C1orf21: variants seen among roughly 807,000 people sequenced by gnomAD.
C1orf21 encodes uncharacterized protein C1orf21.
In C1orf21, 3 loss-of-function variants were observed where a neutral mutation model predicts 18.7. The ratio of observed to expected loss-of-function variants is 0.16; its 90% CI spans 0.07 to 0.42. C1orf21 has a LOEUF of 0.42. Ranked by LOEUF, C1orf21 falls within the 10% of genes least tolerant of loss-of-function variation. The pLI is 0.99. For missense variants in C1orf21, 104 were observed against 143.6 expected (o/e 0.72, Z 1.41); for synonymous variants, 41 against 46.4 (o/e 0.88, Z 0.47).
intron 2 of C1orf21, among the ~76,000 whole-genome samples, chr1:184,496,517 A>G (rs537444669): frequency 7.5e-4 from 115 of 152,346 alleles, no homozygotes; most frequent in South Asian, 4.3e-3. Flanking sequence ...TGATCAGGTG[A>G]AAAGATCTCT....
At chr1:184,426,617 A>C (rs963063340) in intron 1 of C1orf21, among the ~76,000 whole-genome samples, 1 of 152,120 alleles carries the variant, frequency 6.6e-6, no homozygotes, top group Admixed American at 6.5e-5. Context: ...GCAAACTCCT[A>C]TCTTGATTCT....
intron 5 of C1orf21, among the ~76,000 whole-genome samples, chr1:184,604,837 C>T (rs1456205665): frequency 2.0e-5 from 3 of 152,184 alleles, no homozygotes; most frequent in Admixed American, 2.0e-4. Flanking sequence ...AAAAGAAATG[C>T]AACACACTTT....
chr1:184,524,642 T>C (rs1274191394), intron 3 of C1orf21, among the ~76,000 whole-genome samples: 1 of 152,172 alleles, frequency 6.6e-6, no homozygotes, highest in African/African-American at 2.4e-5. Context: ...TTTTTTTTAA[T>C]GACTTTGAAG....
At chr1:184,501,820 G>A (rs1260833288) in intron 2 of C1orf21, among the ~76,000 whole-genome samples, 1 of 152,136 alleles carries the variant, frequency 6.6e-6, no homozygotes, top group Non-Finnish European at 1.5e-5. Context: ...TGGGCCAGAA[G>A]TGTCCCCATA....
chr1:184,581,651 T>G (rs1297541158), intron 3 of C1orf21, among the ~76,000 whole-genome samples: 1 of 152,000 alleles, frequency 6.6e-6, no homozygotes, highest in Non-Finnish European at 1.5e-5. Flanking sequence ...TATCATAGCT[T>G]ATTTTAATTA....
chr1:184,480,056 A>T (rs1201850275), intron 2 of C1orf21, among the ~76,000 whole-genome samples: 3 of 152,208 alleles, frequency 2.0e-5, no homozygotes, highest in Non-Finnish European at 4.4e-5. Context: ...AAGATAAGGA[A>T]GTGTTACGAG....
At chr1:184,563,207 C>T (rs1010136421) in intron 3 of C1orf21, among the ~76,000 whole-genome samples, 6 of 152,192 alleles carry the variant, frequency 3.9e-5, no homozygotes, top group African/African-American at 1.4e-4. Context: ...GAGACACTGC[C>T]TCTTTCTTTA....
At chr1:184,608,129 C>T (rs1001086848) in intron 5 of C1orf21, among the ~76,000 whole-genome samples, 2 of 152,154 alleles carry the variant, frequency 1.3e-5, no homozygotes, top group Non-Finnish European at 2.9e-5. Context: ...GTGGTAGTTT[C>T]ATTTCTTAGA....
At chr1:184,558,838 T>C (rs933130665) in intron 3 of C1orf21, among the ~76,000 whole-genome samples, 1 of 152,232 alleles carries the variant, frequency 6.6e-6, no homozygotes, top group African/African-American at 2.4e-5. Context: ...TGCAAAACCA[T>C]CTGGACAATG....
intron 3 of C1orf21, among the ~76,000 whole-genome samples, chr1:184,554,689 T>C (rs1411526548): frequency 6.6e-6 from 1 of 152,232 alleles, no homozygotes; most frequent in Non-Finnish European, 1.5e-5. Context: ...AGGAAATCTG[T>C]ATAACAAATG....
intron 3 of C1orf21, among the ~76,000 whole-genome samples, chr1:184,554,903 A>G (rs1658857600): frequency 1.3e-5 from 2 of 152,244 alleles, no homozygotes; most frequent in Non-Finnish European, 2.9e-5. Flanking sequence ...GTGCATGCAC[A>G]TGTGTGTAAC....
At chr1:184,399,103 A>G (rs1311471917) in intron 1 of C1orf21, among the ~76,000 whole-genome samples, 1 of 152,020 alleles carries the variant, frequency 6.6e-6, no homozygotes, top group East Asian at 1.9e-4. Context: ...CACCTGAGAG[A>G]TGCATTTGTC....
chr1:184,452,920 A>G (rs1329459316), intron 1 of C1orf21, among the ~76,000 whole-genome samples: 1 of 152,138 alleles, frequency 6.6e-6, no homozygotes, highest in African/African-American at 2.4e-5. Context: ...TTATGCCTTA[A>G]AAGTTGTCCC....
At chr1:184,515,614 GT>G (rs1658213426) in intron 3 of C1orf21, among the ~76,000 whole-genome samples, 1 of 152,092 alleles carries the variant, frequency 6.6e-6, no homozygotes, top group African/African-American at 2.4e-5. Flanking sequence ...TCCCATTTTA[GT>G]TTTTAAGTGT....
intron 3 of C1orf21, among the ~76,000 whole-genome samples, chr1:184,549,585 C>A (rs1284105217): frequency 6.6e-6 from 1 of 151,430 alleles, no homozygotes; most frequent in Non-Finnish European, 1.5e-5. Context: ...CATACTTTTC[C>A]CTATGATATA....
chr1:184,511,875 C>T (rs184136751), intron 3 of C1orf21, among the ~76,000 whole-genome samples: 72 of 152,284 alleles, frequency 4.7e-4, no homozygotes, highest in African/African-American at 1.7e-3. Context: ...TGAGAACTCA[C>T]TCACTGTCAT....
chr1:184,567,267 C>G (rs1221574673), intron 3 of C1orf21: 2 of 460,716 alleles, frequency 4.3e-6, no homozygotes, highest in Non-Finnish European at 8.7e-6. Context: ...CAGAAGGAGA[C>G]TGTAAAGGAA....
intron 3 of C1orf21, among the ~76,000 whole-genome samples, chr1:184,526,388 T>C (rs1172112976): frequency 3.3e-5 from 5 of 152,230 alleles, no homozygotes; most frequent in Non-Finnish European, 7.3e-5. Flanking sequence ...TAATTTCTTT[T>C]ATACTAAACC....
intron 1 of C1orf21, among the ~76,000 whole-genome samples, chr1:184,392,612 A>C (rs1303965510): frequency 6.6e-6 from 1 of 152,124 alleles, no homozygotes; most frequent in Non-Finnish European, 1.5e-5. Context: ...TAATAACTGA[A>C]GTAAAGGAAA....
Sources: allele counts gnomAD v4.1 joint callset (sites outside exome capture counted in the v4.1 genomes callset), GRCh38; gene constraint gnomAD v4.1.1; transcripts MANE v1.5; gene names NCBI Gene and HGNC (gene_info 2026-07-23, HGNC 2026-07-21).